The following RASAL2 variants were observed in gnomAD, a reference collection of about 807,000 sequenced individuals.
RASAL2 encodes ras GTPase-activating protein nGAP.
In RASAL2, 58 loss-of-function variants were observed where a neutral mutation model predicts 128.9. The ratio of observed to expected loss-of-function variants is 0.45; its 90% CI spans 0.36 to 0.56. The LOEUF is 0.56. Among genes scored for constraint, RASAL2 ranks in the 20% least tolerant of loss-of-function variants. The probability of loss-of-function intolerance (pLI) is 0.00; values close to 1 mark genes in which losing one functional copy is unlikely to be tolerated. For missense variants in RASAL2, 1,360 were observed against 1,601.6 expected (o/e 0.85, Z 2.57); for synonymous variants, 561 against 580.8 (o/e 0.97, Z 0.49).
At chr1:178,351,736 A>AG (rs1173860312) in intron 3 of RASAL2, among the ~76,000 whole-genome samples, 3 of 151,680 alleles carry the variant, frequency 2.0e-5, no homozygotes, top group South Asian at 4.1e-4. Context: ...CTCAAGGAAA[A>AG]AAAAAAAAAA....
intron 5 of RASAL2, among the ~76,000 whole-genome samples, chr1:178,421,322 A>G (rs1440700860): frequency 2.6e-5 from 4 of 152,176 alleles, no homozygotes; most frequent in Non-Finnish European, 5.9e-5. Context: ...ATATGCTTCA[A>G]AAATCATTGA....
chr1:178,467,248 G>C, intron 16 of RASAL2, 86 bp from the exon 17 acceptor site: 1 of 1,021,126 alleles, frequency 9.8e-7, no homozygotes, highest in Non-Finnish European at 1.5e-6. Flanking sequence ...TATTAAAAAG[G>C]GCAGAGGATA....
At chr1:178,186,365 T>A (rs541030568) in intron 1 of RASAL2, among the ~76,000 whole-genome samples, 3 of 152,252 alleles carry the variant, frequency 2.0e-5, no homozygotes, top group African/African-American at 7.2e-5. Context: ...TGATTCTCCG[T>A]TTTCATTTCC....
chr1:178,244,170 G>T (rs1403553730), intron 1 of RASAL2, among the ~76,000 whole-genome samples: 2 of 152,182 alleles, frequency 1.3e-5, no homozygotes, highest in Non-Finnish European at 2.9e-5. Context: ...TAGTATTCAA[G>T]TGGGGATAGT....
At chr1:178,313,907 T>G (rs930854721) in intron 3 of RASAL2, among the ~76,000 whole-genome samples, 2 of 152,196 alleles carry the variant, frequency 1.3e-5, no homozygotes, top group Non-Finnish European at 2.9e-5. Context: ...CGTTTTCAGG[T>G]TAAATTATTA....
At chr1:178,254,351 G>A (rs568658293) in intron 1 of RASAL2, among the ~76,000 whole-genome samples, 1 of 152,174 alleles carries the variant, frequency 6.6e-6, no homozygotes, top group South Asian at 2.1e-4. Context: ...TATCATAACT[G>A]TAATTACATG....
chr1:178,272,785 G>A (rs1293246933), intron 1 of RASAL2, among the ~76,000 whole-genome samples: 2 of 152,068 alleles, frequency 1.3e-5, no homozygotes, highest in African/African-American at 2.4e-5. Flanking sequence ...AAAATCAGCT[G>A]GGTGTGCTGG....
chr1:178,454,630 A>C lies in RASAL2; in HGVS notation c.2193A>C (p.Val731=). 1 of 1,613,684 alleles carries C rather than the reference A, an allele frequency of 6.2e-7. No individual in the cohort carries two copies. The highest frequency in any genetic ancestry group is 1.3e-5 in the African/African-American group (1 of 75,030). The change falls in exon 12 of 18, where the codon GTA becomes GTC. Residue 731 remains valine, a synonymous_variant. Transcript: ENST00000367649. ...TTTTGCATTCCTTACTGTGGGAAGT[A>C]GTTTCCCAACTTGATAAGGTAAAGT... The part of the protein sequence containing the change: ...LSVLHSLLWE[V]VSQLDKATVA...
intron 7 of RASAL2, among the ~76,000 whole-genome samples, chr1:178,441,863 C>T (rs1416803666): frequency 1.3e-5 from 2 of 152,066 alleles, no homozygotes; most frequent in Non-Finnish European, 2.9e-5. Flanking sequence ...AATTGGCTCA[C>T]GGTTCTGCAG....
At chr1:178,118,552 ATC>A (rs1165409551) in intron 1 of RASAL2, among the ~76,000 whole-genome samples, 1 of 152,174 alleles carries the variant, frequency 6.6e-6, no homozygotes, top group Admixed American at 6.5e-5. Context: ...TGGGTTGTGG[ATC>A]TATTCCTTTC....
At position 178,442,789 on chromosome 1, in the gene RASAL2, C is replaced by T. The variant is rs1048427374; in HGVS notation, c.1042C>T (p.Arg348Cys). 4 of 1,613,874 alleles carry T rather than the reference C, an allele frequency of 2.5e-6. No homozygotes were observed. The highest frequency in any genetic ancestry group is 1.7e-5 in the Admixed American group (1 of 59,954). ...ELCLDDTLFA[R>C]TTSKTKADNI... The stretch of plus-strand genomic sequence containing the variant: ...GTGCCTTGATGATACCCTCTTTGCT[C>T]GTACAACCAGCAAGACCAAAGCAGA... Residue 348 changes from arginine (R) to cysteine (C), a missense_variant, in exon 8 of 18, where the codon CGT becomes TGT. Arg to Cys is a radical substitution (Grantham distance 180). This residue lies in a region of RASAL2 where 617 missense variants were observed against 714.2 expected (regional missense o/e 0.86). Transcript: ENST00000367649.
At chr1:178,427,683 A>AT (rs1238304141) in intron 5 of RASAL2, among the ~76,000 whole-genome samples, 1 of 152,168 alleles carries the variant, frequency 6.6e-6, no homozygotes, top group Non-Finnish European at 1.5e-5. Flanking sequence ...GTGAGGTCTT[A>AT]TAACTGTAGT....
intron 3 of RASAL2, among the ~76,000 whole-genome samples, chr1:178,374,543 G>A (rs976673873): frequency 1.3e-5 from 2 of 152,074 alleles, no homozygotes; most frequent in Admixed American, 6.6e-5. Flanking sequence ...TCCCAATAAC[G>A]TAGCTCACTG....
At chr1:178,401,616 C>T (rs1207295858) in intron 4 of RASAL2, among the ~76,000 whole-genome samples, 2 of 152,220 alleles carry the variant, frequency 1.3e-5, no homozygotes, top group Non-Finnish European at 2.9e-5. Flanking sequence ...AGCCACTGAA[C>T]TCCAGCTTGG....
intron 1 of RASAL2, chr1:178,121,175 A>G (rs1375896956): frequency 2.6e-5 from 4 of 152,204 alleles, no homozygotes; most frequent in Non-Finnish European, 5.9e-5. Context: ...CTTTTACAAG[A>G]TCACTTTCAG....
chr1:178,175,256 C>CT (rs1460942990), intron 1 of RASAL2, among the ~76,000 whole-genome samples: 3 of 151,776 alleles, frequency 2.0e-5, no homozygotes, highest in Non-Finnish European at 2.9e-5. Context: ...TTTTTATTAA[C>CT]TTTTTTGGGG....
intron 1 of RASAL2, among the ~76,000 whole-genome samples, chr1:178,096,611 A>G (rs948115053): frequency 2.6e-5 from 4 of 151,914 alleles, no homozygotes; most frequent in Non-Finnish European, 5.9e-5. Context: ...GCGTGGTTCA[A>G]TTGATGTCAA....
At chr1:178,419,057 T>C (rs376682169) in intron 4 of RASAL2, among the ~76,000 whole-genome samples, 1 of 152,148 alleles carries the variant, frequency 6.6e-6, no homozygotes. Context: ...CTGATAAATA[T>C]AGCCTTCACC....
chr1:178,133,919 C>A (rs1660213871), intron 1 of RASAL2, among the ~76,000 whole-genome samples: 1 of 152,184 alleles, frequency 6.6e-6, no homozygotes, highest in Non-Finnish European at 1.5e-5. Context: ...TTAATAGCTG[C>A]CTTGCTCCTC....
Sources: gnomAD v4.1 joint callset for allele counts (sites outside exome capture counted in the v4.1 genomes callset) on GRCh38, gnomAD v4.1.1 for gene constraint, gnomAD v4.1.1 regional missense constraint, MANE v1.5 for transcripts, NCBI Gene and HGNC (gene_info 2026-07-23, HGNC 2026-07-21) for gene names.